Variants in PCDH15 observed in about 807,000 individuals in gnomAD.
The protein encoded by PCDH15 is protocadherin-15.
A neutral mutation model predicts 178.5 loss-of-function variants in PCDH15; 129 were observed. The ratio of observed to expected loss-of-function variants is 0.72; its 90% CI spans 0.63 to 0.84. PCDH15 has a LOEUF of 0.84. Ranked by LOEUF, PCDH15 falls within the 40% of genes least tolerant of loss-of-function variation. The probability of loss-of-function intolerance (pLI) is 0.00; values close to 1 mark genes in which losing one functional copy is unlikely to be tolerated. For missense variants in PCDH15, 2,230 were observed against 2,099.9 expected (o/e 1.06, Z -1.21); for synonymous variants, 800 against 732.0 (o/e 1.09, Z -1.50).
intron 32 of PCDH15, among the ~76,000 whole-genome samples, chr10:53,827,095 G>C (rs564078499): frequency 4.0e-5 from 6 of 151,736 alleles, no homozygotes; most frequent in Admixed American, 2.0e-4. Context: ...ATGTAAAAAT[G>C]CATGACCCTG....
At chr10:54,706,219 A>G (rs2095363387) in intron 1 of PCDH15, among the ~76,000 whole-genome samples, 1 of 152,216 alleles carries the variant, frequency 6.6e-6, no homozygotes, top group Non-Finnish European at 1.5e-5. Context: ...TGGCTGAAAT[A>G]TGTACATTTA....
At chr10:53,821,779 T>G (rs2076283200) in intron 32 of PCDH15, 1 of 1,592,820 alleles carries the variant, frequency 6.3e-7, no homozygotes, top group African/African-American at 1.3e-5. Flanking sequence ...TAGAGTCTTC[T>G]TTGACGTTCA....
chr10:54,499,345 C>T (rs2080421259), intron 3 of PCDH15, among the ~76,000 whole-genome samples: 1 of 152,056 alleles, frequency 6.6e-6, no homozygotes, highest in African/African-American at 2.4e-5. Context: ...ACAGAACACT[C>T]CACACAATAA....
intron 8 of PCDH15, among the ~76,000 whole-genome samples, chr10:54,238,710 C>CACACACACACACACAA (rs1470333410): frequency 6.0e-5 from 9 of 150,354 alleles, no homozygotes; most frequent in Admixed American, 2.0e-4. Flanking sequence ...CACACACACA[C>CACACACACACACACAA]ACACTTTCCC....
chr10:54,341,861 C>G (rs1942292776), intron 6 of PCDH15, among the ~76,000 whole-genome samples: 1 of 152,112 alleles, frequency 6.6e-6, no homozygotes, highest in Admixed American at 6.5e-5. Flanking sequence ...TTGCCCCTGC[C>G]CTAGATCTGT....
chr10:55,190,080 T>C (rs1413732134), intron 1 of PCDH15, among the ~76,000 whole-genome samples: 1 of 151,722 alleles, frequency 6.6e-6, no homozygotes, highest in East Asian at 1.9e-4. Flanking sequence ...ATGAAAGAGC[T>C]ACAGATACAC....
At chr10:54,981,223 C>G (rs979020158) in intron 2 of PCDH15, among the ~76,000 whole-genome samples, 7 of 152,140 alleles carry the variant, frequency 4.6e-5, no homozygotes, top group Admixed American at 1.3e-4. Context: ...TAGGTGAAAT[C>G]TCCAGCTTCC....
At chr10:55,321,295 T>G (rs1025119716), upstream of PCDH15, among the ~76,000 whole-genome samples, 4 of 152,108 alleles carry the variant, frequency 2.6e-5, no homozygotes, top group East Asian at 5.8e-4. Context: ...AGACAAACAT[T>G]TTTAAAAAAT....
intron 2 of PCDH15, among the ~76,000 whole-genome samples, chr10:55,374,194 A>T (rs1424009402): frequency 1.3e-5 from 2 of 151,972 alleles, no homozygotes; most frequent in African/African-American, 4.8e-5. Flanking sequence ...GCTTTGTGTC[A>T]TATGGCACCT....
intron 3 of PCDH15, among the ~76,000 whole-genome samples, chr10:54,431,700 C>G (rs1427667747): frequency 6.6e-6 from 1 of 152,060 alleles, no homozygotes; most frequent in Non-Finnish European, 1.5e-5. Context: ...TGGATCATGG[C>G]AAGGATGGCC....
rs138805682 is a variant in PCDH15 at position 54,023,038 on chromosome 10, C to A, written c.2380G>T (p.Gly794Ter). 1.2e-6 allele frequency: 2 copies of A among 1,613,888 alleles called. No homozygotes were observed. The highest frequency in any genetic ancestry group is 2.7e-5 in the African/African-American group (2 of 75,002). Residue 794 changes from glycine to a stop codon, truncating the protein, a stop_gained, in exon 19 of 38, where the codon GGA (glycine) becomes TGA (stop). Transcript: ENST00000644397. LOFTEE classifies it high-confidence loss of function. Reference protein sequence around the residue: ...YYELVVVATDGAVHPRHSTLT... With the variant: ...YYELVVVATD Reference sequence around the variant, plus strand: ...GTTGAATGACGAGGGTGTACTGCTCCATCTGTTGCCACAACAACAAGTTCA... The same window carrying A: ...GTTGAATGACGAGGGTGTACTGCTCAATCTGTTGCCACAACAACAAGTTCA...
At chr10:55,344,885 G>C (rs529898190) in intron 2 of PCDH15, among the ~76,000 whole-genome samples, 1 of 152,076 alleles carries the variant, frequency 6.6e-6, no homozygotes, top group East Asian at 1.9e-4. Context: ...CCAGAGCAGA[G>C]AGGATAACAC....
intron 1 of PCDH15, among the ~76,000 whole-genome samples, chr10:54,686,308 T>G (rs2095005823): frequency 6.6e-6 from 1 of 152,146 alleles, no homozygotes; most frequent in Non-Finnish European, 1.5e-5. Context: ...ATTTAATAGT[T>G]GAAATTTTAT....
At chr10:53,981,586 T>A (rs2090642116) in intron 21 of PCDH15, among the ~76,000 whole-genome samples, 2 of 151,446 alleles carry the variant, frequency 1.3e-5, no homozygotes, top group African/African-American at 4.9e-5. Context: ...CCCTATTTAA[T>A]AAATGGTGCT....
At chr10:55,312,425 A>C (rs1204889209) in intron 1 of PCDH15, among the ~76,000 whole-genome samples, 1 of 152,178 alleles carries the variant, frequency 6.6e-6, no homozygotes, top group African/African-American at 2.4e-5. Context: ...TGTTAGTATG[A>C]ACATAATGAG....
At chr10:55,583,982 A>T (rs1564466469) in intron 2 of PCDH15, among the ~76,000 whole-genome samples, 3 of 151,888 alleles carry the variant, frequency 2.0e-5, no homozygotes, top group Non-Finnish European at 4.4e-5. Context: ...GGCTGAAGTG[A>T]TCTTCCCACC....
intron 2 of PCDH15, among the ~76,000 whole-genome samples, chr10:55,126,310 G>C (rs982467232): frequency 3.3e-5 from 5 of 152,068 alleles, no homozygotes; most frequent in African/African-American, 1.2e-4. Flanking sequence ...ATAACCCATA[G>C]TCGGAATATT....
chr10:54,258,670 A>C (rs1036094175), intron 8 of PCDH15, among the ~76,000 whole-genome samples: 1 of 152,160 alleles, frequency 6.6e-6, no homozygotes, highest in Non-Finnish European at 1.5e-5. Flanking sequence ...GTCCTTAATT[A>C]TTTTCTAATA....
intron 25 of PCDH15, among the ~76,000 whole-genome samples, chr10:53,937,779 T>C (rs1253230337): frequency 6.6e-6 from 1 of 152,156 alleles, no homozygotes; most frequent in Non-Finnish European, 1.5e-5. Flanking sequence ...CCTGTCTTGC[T>C]TTCTTTTCTC....
Sources: allele counts gnomAD v4.1 joint callset (sites outside exome capture counted in the v4.1 genomes callset), GRCh38; gene constraint gnomAD v4.1.1; transcripts MANE v1.5; gene names NCBI Gene and HGNC (gene_info 2026-07-23, HGNC 2026-07-21).